ZNFX1: variants seen among roughly 807,000 people sequenced by gnomAD.
ZNFX1 encodes zinc finger NFX1-type containing 1, also known as NFX1-type zinc finger-containing protein 1.
In ZNFX1, 78 loss-of-function variants were observed where a neutral mutation model predicts 179.8. That is an observed-to-expected ratio of 0.43 (90% CI 0.36 to 0.52). ZNFX1 has a LOEUF of 0.52. ZNFX1 is among the 20% of genes least tolerant of loss of function. ZNFX1 has a pLI of 0.00. For synonymous variants in ZNFX1, 848 were observed against 868.5 expected (o/e 0.98, Z 0.42); for missense variants, 1,927 against 2,386.6 (o/e 0.81, Z 4.01).
intron 7 of ZNFX1, among the ~76,000 whole-genome samples, chr20:49,259,544 C>T (rs957778711): frequency 6.6e-6 from 1 of 152,056 alleles, no homozygotes; most frequent in African/African-American, 2.4e-5. Context: ...GCCTCAGCCA[C>T]CTAAGTAGCT....
At position 49,252,932 on chromosome 20, in the gene ZNFX1, A is replaced by C. The variant is rs2146730333; in HGVS notation, c.3106-102T>G. On this transcript the variant is annotated intron_variant, in intron 11 of 13. Coordinates refer to ENST00000396105, the MANE Select transcript of ZNFX1 (RefSeq NM_021035.3). The stretch of plus-strand genomic sequence containing the variant: ...ACCATCAAATGTTTTTCAAGTGTTG[A>C]CTATGTGCCAGGCACTATTCTACAT... The C allele has an allele frequency of 3.4e-6, 3 of 870,728 alleles. No homozygotes were observed. The South Asian group carries it at 4.2e-5, about 12-fold the overall frequency. 53.9% of individuals were successfully genotyped at this position (870,728 alleles called of 1,614,324 possible).
chr20:49,248,759 A>C lies in ZNFX1; in HGVS notation c.4265T>G (p.Leu1422Arg), dbSNP rs1222926349. The change falls in exon 14 of 14, where the codon CTC becomes CGC. Residue 1422 changes from leucine (L) to arginine (R), a missense_variant. Leu to Arg is a moderately radical substitution (Grantham distance 102). Transcript: ENST00000396105. This position sits in a 1 kb window ranked among gnomAD's most constrained non-coding sequence, Gnocchi z 4.6. ...QPVKCGHVEG[L>R]LYGGLLVKCT... ...CTTGACTAGCAGACCACCATACAGGAGGCCTTCCACATGACCACATTTTAC... is the reference window on the plus strand; with the variant it reads ...CTTGACTAGCAGACCACCATACAGGCGGCCTTCCACATGACCACATTTTAC... The C allele has an allele frequency of 6.2e-7, 1 of 1,613,928 alleles. No homozygotes were observed. The highest frequency in any genetic ancestry group is 2.2e-5 in the East Asian group (1 of 44,890).
chr20:49,247,821 C>G lies in ZNFX1; in HGVS notation c.5203G>C (p.Glu1735Gln), dbSNP rs559641061. The G allele has an allele frequency of 6.2e-7, 1 of 1,614,040 alleles. No individual in the cohort carries two copies. The highest frequency in any genetic ancestry group is 8.5e-7 in the Non-Finnish European group (1 of 1,180,036). ...TTGGCCAGCCACTCATGGACCTGTT[C>G]TAGTCGAGTCCTCACTCTTTTCTCT... ...LEEKRVRTRLEQVHEWLAKKR... is the reference protein window; with the variant it reads ...LEEKRVRTRLQQVHEWLAKKR... The change falls in exon 14 of 14, where the codon GAA (glutamate) becomes CAA (glutamine). Residue 1735 changes from glutamate (E) to glutamine (Q), a missense_variant. Glu to Gln is a conservative substitution (Grantham distance 29, BLOSUM62 2). Coordinates refer to ENST00000396105, the MANE Select transcript of ZNFX1 (RefSeq NM_021035.3).
chr20:49,253,816 A>G lies in ZNFX1; in HGVS notation c.2960-5T>C. 6.2e-7 allele frequency: 1 copy of G among 1,613,900 alleles called. No individual in the cohort carries two copies. Among genetic ancestry groups the G allele is most frequent in the East Asian group, 2.2e-5 (1 of 44,868 alleles). On this transcript the variant is annotated splice_polypyrimidine_tract_variant and splice_region_variant and intron_variant, in intron 10 of 13. Transcript: ENST00000396105. Reference sequence around the variant, plus strand: ...TCTGGCGGTATTTGGCAGCACCTCAAGTGAGGAAAGAAGAGAAAGGCTCCT... The same window carrying G: ...TCTGGCGGTATTTGGCAGCACCTCAGGTGAGGAAAGAAGAGAAAGGCTCCT...
At chr20:49,265,968 A>C (rs1198232035) in intron 4 of ZNFX1, among the ~76,000 whole-genome samples, 167 bp downstream of exon 4, 1 of 152,248 alleles carries the variant, frequency 6.6e-6, no homozygotes. Context: ...CAAGGTTAAG[A>C]AGTAGGAGCT....
rs61127767 is a variant in ZNFX1, at chr20:49,270,726, G to A, written c.1086C>T (p.Tyr362=). 6 of 1,614,134 alleles carry A rather than the reference G, an allele frequency of 3.7e-6. No individual in the cohort carries two copies. Among genetic ancestry groups the A allele is most frequent in the East Asian group, 4.5e-5 (2 of 44,880 alleles). Residue 362 remains tyrosine, a synonymous_variant, in exon 3 of 14, where the codon TAC becomes TAT. Coordinates refer to ENST00000396105, the MANE Select transcript of ZNFX1 (RefSeq NM_021035.3). This position sits in a 1 kb window ranked among gnomAD's most constrained non-coding sequence, Gnocchi z 4.6. ...TATCCAGATAGATAGCAGTGCTGTC[G>A]TATTTTCCAGAAATGATATTGGGGC... is the stretch of plus-strand genomic sequence containing the variant. ...FLRPNIISGK[Y]DSTAIYLDTH...
rs1486058043 is a variant in ZNFX1 at position 49,246,337 on chromosome 20, A to C, written c.*930T>G. ...CTTAATGACGACCTGGGCCTGCTGC[A>C]TAAGGCCCATCTTATGCAGCATGTG... On this transcript the variant is annotated 3_prime_UTR_variant, in exon 14 of 14. Transcript: ENST00000396105. 1 of 152,798 alleles carries C rather than the reference A, an allele frequency of 6.5e-6. No individual in the cohort carries two copies. 9.5% of individuals were successfully genotyped at this position (152,798 alleles called of 1,614,324 possible).
rs117186159 is a variant in ZNFX1, at chr20:49,247,237, G to A, written c.*30C>T. 10,180 of 1,558,984 alleles carry A rather than the reference G, an allele frequency of 6.5e-3. 55 individuals carry two copies. Among genetic ancestry groups the A allele is most frequent in the Non-Finnish European group, 7.6e-3 (8,810 of 1,152,384 alleles). On this transcript the variant is annotated 3_prime_UTR_variant, in exon 14 of 14. Coordinates refer to ENST00000396105, the MANE Select transcript of ZNFX1 (RefSeq NM_021035.3). ...GAGCTGGCCCCAGTCATTCAGTGGC[G>A]AGGGCAAAAGGCAGTGGTGTACCAT...
chr20:49,257,390 T>G (rs762216943), intron 8 of ZNFX1, 27 bp downstream of exon 8: 3 of 1,613,044 alleles, frequency 1.9e-6, no homozygotes, highest in Non-Finnish European at 2.5e-6. Flanking sequence ...CTCTCAGGCC[T>G]GTTTCAACCC....
chr20:49,249,750 C>A, intron 13 of ZNFX1, 39 bp from the exon 14 acceptor site: 8 of 1,566,452 alleles, frequency 5.1e-6, no homozygotes, highest in South Asian at 1.2e-5. Flanking sequence ...AAGGTTCACT[C>A]ATGGCACTTG....
intron 7 of ZNFX1, among the ~76,000 whole-genome samples, chr20:49,259,378 AT>A (rs1981060309): frequency 6.6e-6 from 1 of 151,562 alleles, no homozygotes; most frequent in Non-Finnish European, 1.5e-5. Context: ...ATGTTACCAC[AT>A]TTATACTGTA....
chr20:49,250,856 A>C (rs1467362281), intron 13 of ZNFX1, among the ~76,000 whole-genome samples: 1 of 151,006 alleles, frequency 6.6e-6, no homozygotes, highest in Non-Finnish European at 1.5e-5. Flanking sequence ...CCAGCCAGGC[A>C]CATGCCACCG....
intron 6 of ZNFX1, 26 bp from the exon 7 acceptor site, chr20:49,260,603 T>C (rs760292411): frequency 4.6e-6 from 7 of 1,533,884 alleles, no homozygotes; most frequent in Non-Finnish European, 5.3e-6. Context: ...TGATCATTTG[T>C]GAGGATTCTA....
At position 49,271,194 on chromosome 20, in the gene ZNFX1, A is replaced by G. The variant is rs374562383; in HGVS notation, c.618T>C (p.His206=). The G allele has an allele frequency of 1.2e-6, 2 of 1,614,170 alleles. No homozygotes were observed. Among genetic ancestry groups the G allele is most frequent in the Non-Finnish European group, 1.7e-6 (2 of 1,180,020 alleles). The part of the protein sequence containing the change: ...SSKMDRQSVL[H]VLGILKNSKF... ...TGGAGTTTTTCAATATGCCCAGTAC[A>G]TGGAGAACACTCTGGCGATCCATTT... Residue 206 remains histidine, a synonymous_variant, in exon 3 of 14, where the codon CAT becomes CAC. Coordinates refer to ENST00000396105, the MANE Select transcript of ZNFX1 (RefSeq NM_021035.3).
rs1359294828 is a variant in ZNFX1, at chr20:49,271,305, C to G, written c.507G>C (p.Gly169=). 1.9e-6 allele frequency: 3 copies of G among 1,614,056 alleles called. No individual in the cohort carries two copies. Among genetic ancestry groups the G allele is most frequent in the Non-Finnish European group, 1.7e-6 (2 of 1,180,042 alleles). ...EVVITLATSL[G]LKELLSHSSM... ...AAGAATGAGAAAGGAGCTCTTTCAG[C>G]CCTAAACTTGTGGCAAGTGTGATGA... Residue 169 remains glycine, a synonymous_variant, in exon 3 of 14, where the codon GGG becomes GGC. Coordinates refer to ENST00000396105, the MANE Select transcript of ZNFX1 (RefSeq NM_021035.3).
At chr20:49,256,544 T>C (rs1980975072) in intron 8 of ZNFX1, among the ~76,000 whole-genome samples, 1 of 152,240 alleles carries the variant, frequency 6.6e-6, no homozygotes, top group Admixed American at 6.5e-5. Context: ...AAGTGCTCTC[T>C]TCTGGCCGTC....
chr20:49,247,403 T>C lies in ZNFX1; in HGVS notation c.5621A>G (p.Glu1874Gly). The change falls in exon 14 of 14, where the codon GAA becomes GGA. Residue 1874 changes from glutamate to glycine, a missense_variant. Transcript: ENST00000396105. ...MERGTCPDCKEVIGGTNHTLE... is the reference protein window; with the variant it reads ...MERGTCPDCKGVIGGTNHTLE... ...AGTATGATTTGTGCCACCAATCACT[T>C]CCTTACAGTCAGGACACGTGCCCCT... 1 of 1,614,160 alleles carries C rather than the reference T, an allele frequency of 6.2e-7. No individual in the cohort carries two copies. The highest frequency in any genetic ancestry group is 8.5e-7 in the Non-Finnish European group (1 of 1,180,038).
intron 12 of ZNFX1, among the ~76,000 whole-genome samples, 153 bp downstream of exon 12, chr20:49,252,567 T>A (rs1341034930): frequency 6.6e-6 from 1 of 152,124 alleles, no homozygotes; most frequent in East Asian, 1.9e-4. Flanking sequence ...CACGGTGATC[T>A]TGTGGTGTTT....
At position 49,271,168 on chromosome 20, in the gene ZNFX1, T is replaced by C. The variant is rs778783729; in HGVS notation, c.644A>G (p.Lys215Arg). The stretch of plus-strand genomic sequence containing the variant: ...AGCAGGCAGGCAGACTTTGAGAAAT[T>C]TGGAGTTTTTCAATATGCCCAGTAC... Reference protein sequence around the residue: ...LHVLGILKNSKFLKVCLPAYV... With the variant: ...LHVLGILKNSRFLKVCLPAYV... Residue 215 changes from lysine (K) to arginine (R), a missense_variant, in exon 3 of 14, where the codon AAA becomes AGA. Coordinates refer to ENST00000396105, the MANE Select transcript of ZNFX1 (RefSeq NM_021035.3). 4 of 1,614,044 alleles carry C rather than the reference T, an allele frequency of 2.5e-6. No individual in the cohort carries two copies. The highest frequency in any genetic ancestry group is 3.4e-6 in the Non-Finnish European group (4 of 1,179,980).
Sources: allele counts gnomAD v4.1 joint callset (sites outside exome capture counted in the v4.1 genomes callset), GRCh38; gene constraint gnomAD v4.1.1; non-coding constraint Gnocchi (gnomAD v3.1); transcripts MANE v1.5; gene names NCBI Gene and HGNC (gene_info 2026-07-23, HGNC 2026-07-21).